Variants in DNAH11 observed in about 807,000 individuals in gnomAD.
The protein encoded by DNAH11 is dynein axonemal heavy chain 11.
A neutral mutation model predicts 526.0 loss-of-function variants in DNAH11; 442 were observed. That is an observed-to-expected ratio of 0.84 (90% CI 0.78 to 0.91). DNAH11 has a LOEUF of 0.91. DNAH11 is among the 40% of genes least tolerant of loss of function. The probability of loss-of-function intolerance (pLI) is 0.00; values close to 1 mark genes in which losing one functional copy is unlikely to be tolerated. For missense variants in DNAH11, 6,989 were observed against 5,448.7 expected, an observed-to-expected ratio of 1.28 and a Z score of -8.90; for synonymous variants, 2,461 against 1,935.9, an observed-to-expected ratio of 1.27 and a Z score of -7.12.
intron 30 of DNAH11, among the ~76,000 whole-genome samples, chr7:21,679,244 G>A (rs1783041807): frequency 6.6e-6 from 1 of 152,064 alleles, no homozygotes; most frequent in South Asian, 2.1e-4. Flanking sequence ...TAGGGATGGG[G>A]GAAAACAGAA....
chr7:21,901,308 C>G lies in DNAH11; in HGVS notation c.*54C>G, dbSNP rs570885498. 16 of 1,500,908 alleles carry G rather than the reference C, an allele frequency of 1.1e-5. No homozygotes were observed. In the African/African-American group the frequency reaches 1.4e-4, roughly 13 times the overall value. 93.0% of individuals were successfully genotyped at this position (1,500,908 alleles called of 1,614,324 possible). A position where few individuals can be genotyped will look rare whatever the true frequency, so the allele number is the denominator to read the frequency against. ...CTGGAGTGCAGTGAGGATTTTCTAG[C>G]ATGTTGCTGCACTGTTCCCATGCAC... is the stretch of plus-strand genomic sequence containing the variant. On this transcript the variant is annotated 3_prime_UTR_variant, in exon 82 of 82. Transcript: ENST00000409508.
chr7:21,622,756 GC>G (rs1786135610), intron 25 of DNAH11, among the ~76,000 whole-genome samples: 1 of 152,130 alleles, frequency 6.6e-6, no homozygotes, highest in Non-Finnish European at 1.5e-5. Flanking sequence ...GGGAAAACTG[GC>G]TAGCCATATG....
rs6963535 is a variant in DNAH11, at chr7:21,588,619, C to T, written c.1956C>T (p.Phe652=). 0.99 allele frequency: 1,595,515 copies of T among 1,613,386 alleles called. 788,992 individuals are homozygous for T. Among genetic ancestry groups the T allele is most frequent in the East Asian group, 1 (44,847 of 44,850 alleles). ...LQRLQMFWSN[F]ASLRYLFLGN... ...GACTTCAAATGTTTTGGTCAAACTT[C>T]GCATCTCTCCGTTATCTGTAAGTAG... The change falls in exon 11 of 82, where the codon TTC becomes TTT. Residue 652 remains phenylalanine, a synonymous_variant. Coordinates refer to ENST00000409508, the MANE Select transcript of DNAH11 (RefSeq NM_001277115.2).
At chr7:21,639,519 A>G (rs574986088) in intron 28 of DNAH11, among the ~76,000 whole-genome samples, 1 of 152,316 alleles carries the variant, frequency 6.6e-6, no homozygotes, top group East Asian at 1.9e-4. Context: ...TTAGATTTGT[A>G]TCATTTCAGG....
intron 20 of DNAH11, among the ~76,000 whole-genome samples, chr7:21,613,447 A>G (rs796307803): frequency 1.3e-4 from 20 of 152,368 alleles, no homozygotes; most frequent in African/African-American, 4.1e-4. Flanking sequence ...TTATGTGTAT[A>G]AAATGTTTCA....
At chr7:21,701,133 C>T (rs1784040147) in intron 36 of DNAH11, among the ~76,000 whole-genome samples, 1 of 151,988 alleles carries the variant, frequency 6.6e-6, no homozygotes, top group Non-Finnish European at 1.5e-5. Context: ...ACCTCTGGTT[C>T]TTTCCCCTCC....
intron 69 of DNAH11, among the ~76,000 whole-genome samples, chr7:21,863,979 G>A (rs1248567977): frequency 6.6e-6 from 1 of 152,126 alleles, no homozygotes; most frequent in African/African-American, 2.4e-5. Flanking sequence ...TATACTTTGG[G>A]TTTTTTATCA....
chr7:21,559,427 T>C (rs565661256), intron 3 of DNAH11, among the ~76,000 whole-genome samples, 176 bp from the exon 4 acceptor site: 30 of 152,332 alleles, frequency 2.0e-4, no homozygotes, highest in African/African-American at 7.0e-4. Flanking sequence ...GTTAGAGATA[T>C]GTCACTGACA....
At chr7:21,681,711 A>G (rs373107638) in intron 31 of DNAH11, 34 bp downstream of exon 31, 33 of 1,612,668 alleles carry the variant, frequency 2.0e-5, no homozygotes, top group Non-Finnish European at 2.8e-5. Flanking sequence ...TGTATTCATT[A>G]TTGTTTCCTG....
At chr7:21,744,718 A>C in intron 50 of DNAH11, 119 bp downstream of exon 50, 1 of 1,440,092 alleles carries the variant, frequency 6.9e-7, no homozygotes, top group South Asian at 1.3e-5. Context: ...AATGGCTGTG[A>C]ATCCAGAATA....
At chr7:21,656,981 C>G (rs1314719607) in intron 29 of DNAH11, among the ~76,000 whole-genome samples, 1 of 152,170 alleles carries the variant, frequency 6.6e-6, no homozygotes, top group Non-Finnish European at 1.5e-5. Flanking sequence ...AAACTGCTCA[C>G]CGACTGGCAT....
chr7:21,554,463 T>C (rs906987692), intron 2 of DNAH11, among the ~76,000 whole-genome samples: 2 of 152,092 alleles, frequency 1.3e-5, no homozygotes, highest in African/African-American at 4.8e-5. Context: ...GCATGAGCCC[T>C]GCACCTGGCC....
At chr7:21,636,652 C>T (rs1465168836) in intron 26 of DNAH11, among the ~76,000 whole-genome samples, 1 of 152,064 alleles carries the variant, frequency 6.6e-6, no homozygotes, top group Non-Finnish European at 1.5e-5. Flanking sequence ...GTGGGAGGAT[C>T]ACTTGAGCCA....
intron 30 of DNAH11, among the ~76,000 whole-genome samples, chr7:21,665,845 A>T (rs1274116880): frequency 6.6e-6 from 1 of 152,138 alleles, no homozygotes; most frequent in Non-Finnish European, 1.5e-5. Flanking sequence ...ACTAACATGT[A>T]TATTACAGAA....
At chr7:21,882,052 A>G (rs769220321) in intron 75 of DNAH11, among the ~76,000 whole-genome samples, 6 of 152,240 alleles carry the variant, frequency 3.9e-5, no homozygotes, top group Non-Finnish European at 7.3e-5. Flanking sequence ...AAATTATAAC[A>G]GTTCTAGGTA....
rs1784705211 is a variant in DNAH11, at chr7:21,900,083, A to C, written c.13266A>C (p.Pro4422=). ...KKTKEDYGHP[P]REGAYLHGLF... ...CAAAGGAAGATTATGGACACCCGCCAAGGGAAGGTGCATACCTCCACGGAC... is the reference window on the plus strand; with the variant it reads ...CAAAGGAAGATTATGGACACCCGCCCAGGGAAGGTGCATACCTCCACGGAC... The change falls in exon 81 of 82, where the codon CCA becomes CCC. Residue 4422 remains proline (P), a synonymous_variant. Transcript: ENST00000409508. 1 of 1,613,972 alleles carries C rather than the reference A, an allele frequency of 6.2e-7. No homozygotes were observed. Among genetic ancestry groups the C allele is most frequent in the Non-Finnish European group, 8.5e-7 (1 of 1,179,856 alleles).
rs891263202 is a variant in DNAH11, at chr7:21,744,611, A to G, written c.8316+12A>G. ...ATAAATATTTTGAAGTAAGCGTATG[A>G]ATGTCAGAGGTCACTACTTACTCCA... On this transcript the variant is annotated intron_variant, in intron 50 of 81. Coordinates refer to ENST00000409508, the MANE Select transcript of DNAH11 (RefSeq NM_001277115.2). The G allele has an allele frequency of 1.9e-6, 3 of 1,612,246 alleles. No individual in the cohort carries two copies. The highest frequency in any genetic ancestry group is 3.4e-5 in the Admixed American group (2 of 59,646).
At chr7:21,795,537 A>C (rs1275803956) in intron 61 of DNAH11, among the ~76,000 whole-genome samples, 1 of 152,256 alleles carries the variant, frequency 6.6e-6, no homozygotes, top group Non-Finnish European at 1.5e-5. Flanking sequence ...TTTTATGCCT[A>C]GCACCTGACA....
rs530899849 is a variant in DNAH11, at chr7:21,580,221, T to C, written c.1594-1684T>C. On this transcript the variant is annotated intron_variant, in intron 8 of 81. Transcript: ENST00000409508. ...TCCCTGAGATGTTTATTTCTAAATGTTCAGTTAATGTTTTGTGACCTTAAG... is the reference window on the plus strand; with the variant it reads ...TCCCTGAGATGTTTATTTCTAAATGCTCAGTTAATGTTTTGTGACCTTAAG... 8.5e-5 allele frequency among the ~76,000 whole-genome samples: 13 copies of C among 152,316 alleles called. No individual in the cohort carries two copies. The East Asian group carries it at 2.5e-3, about 29-fold the overall frequency.
Sources: gnomAD v4.1 joint callset for allele counts (sites outside exome capture counted in the v4.1 genomes callset) on GRCh38, gnomAD v4.1.1 for gene constraint, MANE v1.5 for transcripts, NCBI Gene and HGNC (gene_info 2026-07-23, HGNC 2026-07-21) for gene names.